TMEM106B: variants seen among roughly 807,000 people sequenced by gnomAD.
TMEM106B encodes the protein transmembrane protein 106B.
In TMEM106B, 15 loss-of-function variants were observed where a neutral mutation model predicts 31.1. The ratio of observed to expected loss-of-function variants is 0.48; its 90% confidence interval spans 0.32 to 0.74. The LOEUF is 0.74. TMEM106B is among the 30% of genes least tolerant of loss of function. TMEM106B has a pLI of 0.03. For missense variants in TMEM106B, 283 were observed against 327.3 expected (o/e 0.86, Z 1.04); for synonymous variants, 126 against 112.5 (o/e 1.12, Z -0.76).
rs1354806610 is a variant in TMEM106B at position 12,240,848 on chromosome 7, G to A, written c.*8873G>A. ...AGCCCCTGACTGCTCACCTTTCCAG[G>A]GACCCCTGAACATTGGCCTAGAGGG... On this transcript the variant is annotated 3_prime_UTR_variant, in exon 8 of 8. Coordinates refer to ENST00000396668, the MANE Select transcript of TMEM106B (RefSeq NM_001134232.2). 1 of 152,064 alleles carries A rather than the reference G, an allele frequency of 6.6e-6. No individual in the cohort carries two copies. The highest frequency in any genetic ancestry group is 1.5e-5 in the Non-Finnish European group (1 of 68,032). 9.4% of individuals were successfully genotyped at this position (152,064 alleles called of 1,614,324 possible).
At chr7:12,225,555 C>T (rs1781883861) in intron 4 of TMEM106B, among the ~76,000 whole-genome samples, 1 of 152,134 alleles carries the variant, frequency 6.6e-6, no homozygotes, top group Non-Finnish European at 1.5e-5. Flanking sequence ...TTTTAATAAT[C>T]GCCATTCTAA....
chr7:12,222,338 A>G (rs1327274612), intron 3 of TMEM106B, among the ~76,000 whole-genome samples: 1 of 152,168 alleles, frequency 6.6e-6, no homozygotes, highest in Non-Finnish European at 1.5e-5. Context: ...CAACTTTTCA[A>G]TTTGGAATGA....
chr7:12,230,570 G>C (rs1483545016), intron 6 of TMEM106B, 132 bp downstream of exon 6: 5 of 571,476 alleles, frequency 8.7e-6, no homozygotes, highest in Non-Finnish European at 1.2e-5. Flanking sequence ...TCTGGCTTCT[G>C]GTCCTCTCTG....
chr7:12,221,075 A>C (rs1781775563), intron 3 of TMEM106B, among the ~76,000 whole-genome samples: 1 of 142,912 alleles, frequency 7.0e-6, no homozygotes. Flanking sequence ...GAGGGAGTGG[A>C]TAAGCAAGTA....
At chr7:12,221,698 C>CAAGG (rs1214563210) in intron 3 of TMEM106B, among the ~76,000 whole-genome samples, 6 of 152,176 alleles carry the variant, frequency 3.9e-5, no homozygotes, top group African/African-American at 1.4e-4. Context: ...GCCTGCAGCA[C>CAAGG]AAGGAAGGAA....
At chr7:12,212,851 A>C (rs1233707143) in intron 1 of TMEM106B, among the ~76,000 whole-genome samples, 1 of 152,234 alleles carries the variant, frequency 6.6e-6, no homozygotes, top group Middle Eastern at 3.2e-3. Flanking sequence ...TTAATCAAAT[A>C]AGTGAGAATT....
At chr7:12,211,765 A>G (rs1049710558) in intron 1 of TMEM106B, among the ~76,000 whole-genome samples, 5 of 152,210 alleles carry the variant, frequency 3.3e-5, no homozygotes, top group Non-Finnish European at 7.4e-5. Flanking sequence ...GCTTTGTGCT[A>G]GGTGTTGTTT....
chr7:12,241,926 A>AT lies in TMEM106B; in HGVS notation c.*9951_*9952insT, dbSNP rs1190467809. On this transcript the variant is annotated 3_prime_UTR_variant, in exon 8 of 8. Transcript: ENST00000396668. ...TCCAGCATCTGTTGTTTCCTGACTT[A>AT]ATGATTGCCATTCTAACTGGCGTGA... is the stretch of plus-strand genomic sequence containing the variant. 6.6e-6 allele frequency: 1 copy of AT among 152,058 alleles called. No individual in the cohort carries two copies. Among genetic ancestry groups the AT allele is most frequent in the Non-Finnish European group, 1.5e-5 (1 of 67,978 alleles). The allele number at this position is 152,058 out of a possible 1,614,324, so 9.4% of individuals were successfully genotyped here. A position where few individuals can be genotyped will look rare whatever the true frequency, so the allele number is the denominator to read the frequency against.
intron 3 of TMEM106B, among the ~76,000 whole-genome samples, chr7:12,224,010 C>T (rs919954919): frequency 9.2e-5 from 14 of 152,134 alleles, no homozygotes; most frequent in Non-Finnish European, 1.5e-4. Flanking sequence ...TGAGCCACCG[C>T]ATCCCGCCGA....
chr7:12,229,303 T>C (rs112042588), intron 4 of TMEM106B, among the ~76,000 whole-genome samples: 4 of 152,272 alleles, frequency 2.6e-5, no homozygotes, highest in South Asian at 2.1e-4. Flanking sequence ...TAGTGAGCTG[T>C]TGTAAATCTC....
chr7:12,219,682 A>G (rs1055266052), intron 3 of TMEM106B, among the ~76,000 whole-genome samples: 1 of 152,168 alleles, frequency 6.6e-6, no homozygotes, highest in African/African-American at 2.4e-5. Context: ...TCTGGAAAGA[A>G]TTAGAAGAAA....
intron 4 of TMEM106B, among the ~76,000 whole-genome samples, chr7:12,227,188 A>G (rs7804234): frequency 0.51 from 77,032 of 151,842 alleles, 20,600 homozygotes; most frequent in African/African-American, 0.66. Context: ...CTAGATGACA[A>G]TGAGATAAGA....
At chr7:12,231,643 A>G in intron 7 of TMEM106B, 194 bp from the exon 8 acceptor site, 1 of 463,456 alleles carries the variant, frequency 2.2e-6, no homozygotes, top group Non-Finnish European at 3.9e-6. Flanking sequence ...TTATGTCTAC[A>G]GGGCTCACTC....
In TMEM106B at chr7:12,235,580, A is replaced by G. The variant is rs1295448366; in HGVS notation, c.*3605A>G. 1 of 151,882 alleles carries G rather than the reference A, an allele frequency of 6.6e-6. No individual in the cohort carries two copies. Among genetic ancestry groups the G allele is most frequent in the Non-Finnish European group, 1.5e-5 (1 of 67,828 alleles). The allele number at this position is 151,882 out of a possible 1,614,324, so 9.4% of individuals were successfully genotyped here. On this transcript the variant is annotated 3_prime_UTR_variant, in exon 8 of 8. Transcript: ENST00000396668. ...ATTAGGAGACTTGAAACTTCAGCCT[A>G]ATAAATCCTTCATGGTTCTTAGCCT...
chr7:12,215,573 ATT>A (rs1781670558), intron 2 of TMEM106B: 1 of 316,792 alleles, frequency 3.2e-6, no homozygotes, highest in Non-Finnish European at 6.6e-6. Flanking sequence ...CTTTCATGTT[ATT>A]TTTAAAATTT....
intron 2 of TMEM106B, 62 bp downstream of exon 2, chr7:12,215,089 A>G: frequency 2.1e-6 from 3 of 1,456,668 alleles, no homozygotes; most frequent in Non-Finnish European, 2.8e-6. Context: ...AGTATTATAA[A>G]AACTGTGGGT....
At chr7:12,222,573 A>G (rs1222076210) in intron 3 of TMEM106B, among the ~76,000 whole-genome samples, 1 of 152,224 alleles carries the variant, frequency 6.6e-6, no homozygotes, top group Non-Finnish European at 1.5e-5. Flanking sequence ...TTTTATTATG[A>G]TGATGTTAAA....
At chr7:12,218,160 C>A (rs1583451586) in intron 2 of TMEM106B, among the ~76,000 whole-genome samples, 1 of 151,820 alleles carries the variant, frequency 6.6e-6, no homozygotes, top group East Asian at 1.9e-4. Flanking sequence ...TGAAGGAAGG[C>A]CTGGTAAATT....
In TMEM106B at chr7:12,240,333, C is replaced by T. The variant is rs1314185572; in HGVS notation, c.*8358C>T. 6.6e-6 allele frequency: 1 copy of T among 152,150 alleles called. No individual in the cohort carries two copies. The highest frequency in any genetic ancestry group is 1.5e-5 in the Non-Finnish European group (1 of 68,034). 9.4% of individuals were successfully genotyped at this position (152,150 alleles called of 1,614,324 possible). Reference sequence around the variant, plus strand: ...CTTTCCCTCTAAACTTACTCAAACACTTGGTGAACTTTTTCTGAATGTTTT... The same window carrying T: ...CTTTCCCTCTAAACTTACTCAAACATTTGGTGAACTTTTTCTGAATGTTTT... On this transcript the variant is annotated 3_prime_UTR_variant, in exon 8 of 8. Transcript: ENST00000396668.
Sources: gnomAD v4.1 joint callset for allele counts (sites outside exome capture counted in the v4.1 genomes callset) on GRCh38, gnomAD v4.1.1 for gene constraint, MANE v1.5 for transcripts, NCBI Gene and HGNC (gene_info 2026-07-23, HGNC 2026-07-21) for gene names.